The following SLC4A10 variants were observed in gnomAD, a reference collection of about 807,000 sequenced individuals.
SLC4A10 encodes sodium-driven chloride bicarbonate exchanger.
SLC4A10 carries 42 observed loss-of-function variants against 137.7 expected under a neutral mutation model. The ratio of observed to expected loss-of-function variants is 0.30; its 90% CI spans 0.24 to 0.39. SLC4A10 has a LOEUF of 0.39. SLC4A10 is among the 10% of genes least tolerant of loss of function. The pLI is 1.00. For missense variants in SLC4A10, 925 were observed against 1,355.0 expected, an observed-to-expected ratio of 0.68 and a Z score of 4.98; for synonymous variants, 474 against 464.1, an observed-to-expected ratio of 1.02 and a Z score of -0.27.
intron 1 of SLC4A10, among the ~76,000 whole-genome samples, chr2:161,756,336 C>T (rs186947106): frequency 6.6e-6 from 1 of 152,150 alleles, no homozygotes; most frequent in East Asian, 1.9e-4. Flanking sequence ...ATGATATTAA[C>T]CTGATGAAAT....
At chr2:161,715,490 C>G (rs908720860) in intron 1 of SLC4A10, among the ~76,000 whole-genome samples, 4 of 152,058 alleles carry the variant, frequency 2.6e-5, no homozygotes, top group African/African-American at 7.2e-5. Flanking sequence ...TCCTTATGCT[C>G]TCCCTCTTCT....
At chr2:161,658,010 A>G (rs1252278371) in intron 1 of SLC4A10, among the ~76,000 whole-genome samples, 4 of 152,262 alleles carry the variant, frequency 2.6e-5, no homozygotes, top group East Asian at 3.9e-4. Flanking sequence ...ATAGCAGGGC[A>G]TTTTTCTTTT....
intron 1 of SLC4A10, among the ~76,000 whole-genome samples, chr2:161,766,688 A>G (rs1158758774): frequency 6.6e-6 from 1 of 151,916 alleles, no homozygotes; most frequent in Non-Finnish European, 1.5e-5. Flanking sequence ...ATAGGCTTCA[A>G]CTTGTATTTC....
intron 3 of SLC4A10, among the ~76,000 whole-genome samples, chr2:161,807,360 C>T (rs981802303): frequency 6.6e-6 from 1 of 152,106 alleles, no homozygotes; most frequent in African/African-American, 2.4e-5. Flanking sequence ...CCATGAGAGC[C>T]CATGTACATG....
intron 1 of SLC4A10, among the ~76,000 whole-genome samples, chr2:161,687,685 C>A (rs191992571): frequency 5.9e-4 from 90 of 152,262 alleles, no homozygotes; most frequent in African/African-American, 1.8e-3. Context: ...ATAATCCCAA[C>A]GTGTCAAGGT....
intron 26 of SLC4A10, among the ~76,000 whole-genome samples, chr2:161,980,444 C>T (rs2909456): frequency 0.73 from 110,518 of 152,064 alleles, 41,767 homozygotes; most frequent in East Asian, 0.99. Context: ...AGCTCGGGAG[C>T]TCAAGATCGG....
chr2:161,795,458 T>C (rs2054662400), intron 2 of SLC4A10, among the ~76,000 whole-genome samples: 3 of 152,104 alleles, frequency 2.0e-5, no homozygotes, highest in African/African-American at 7.2e-5. Context: ...GTTTGGAATA[T>C]ACACCCATGA....
chr2:161,631,255 C>T (rs2033496340), intron 1 of SLC4A10, among the ~76,000 whole-genome samples: 1 of 151,630 alleles, frequency 6.6e-6, no homozygotes, highest in Non-Finnish European at 1.5e-5. Context: ...ATACTAAAAA[C>T]CAATGAATTG....
chr2:161,923,701 C>A (rs1688546787), intron 15 of SLC4A10, among the ~76,000 whole-genome samples: 1 of 151,782 alleles, frequency 6.6e-6, no homozygotes, highest in African/African-American at 2.4e-5. Flanking sequence ...GGAAGGATAG[C>A]ATTAGGAGAT....
chr2:161,753,625 A>G (rs1437023915), intron 1 of SLC4A10, among the ~76,000 whole-genome samples: 2 of 152,132 alleles, frequency 1.3e-5, no homozygotes, highest in African/African-American at 4.8e-5. Context: ...AGCTATTAGT[A>G]GTAGTAGTGG....
rs966507763 is a variant in SLC4A10 at position 161,705,074 on chromosome 2, ATCTT to A, written c.49-65897_49-65894del. Among the ~76,000 whole-genome samples the A allele has an allele frequency of 3.5e-4, 53 of 151,804 alleles. 1 individual carries two copies. The highest frequency in any genetic ancestry group is 2.3e-3 in the Admixed American group (35 of 15,188). ...CTTTTGAATACAAATAAAAGGTAAA[ATCTT>A]TATGATAAAAGTAAACTTTAATATA... On this transcript the variant is annotated intron_variant, in intron 1 of 26. Coordinates refer to ENST00000446997, the MANE Select transcript of SLC4A10 (RefSeq NM_001178015.2).
At chr2:161,649,870 C>G (rs546940738) in intron 1 of SLC4A10, among the ~76,000 whole-genome samples, 1 of 151,914 alleles carries the variant, frequency 6.6e-6, no homozygotes, top group South Asian at 2.1e-4. Context: ...CTTTAAAAAC[C>G]TGATCTTTTT....
intron 1 of SLC4A10, chr2:161,708,787 G>T: frequency 6.5e-7 from 1 of 1,532,828 alleles, no homozygotes; most frequent in Non-Finnish European, 8.7e-7. Flanking sequence ...GAAAGGTCAT[G>T]CAGTCTGGAA....
At chr2:161,679,104 A>T (rs2040571243) in intron 1 of SLC4A10, among the ~76,000 whole-genome samples, 1 of 152,036 alleles carries the variant, frequency 6.6e-6, no homozygotes, top group Non-Finnish European at 1.5e-5. Context: ...TGCTCCACAT[A>T]CTTTCTAACC....
intron 19 of SLC4A10, among the ~76,000 whole-genome samples, chr2:161,955,719 C>G (rs1695540830): frequency 6.6e-6 from 1 of 152,158 alleles, no homozygotes; most frequent in Non-Finnish European, 1.5e-5. Flanking sequence ...AAATATGCAA[C>G]AAATACTCAG....
intron 15 of SLC4A10, among the ~76,000 whole-genome samples, chr2:161,913,718 T>C (rs1038597122): frequency 6.6e-6 from 1 of 152,060 alleles, no homozygotes; most frequent in South Asian, 2.1e-4. Flanking sequence ...CCCTTTTTTG[T>C]CTTCAATGTA....
At position 161,964,189 on chromosome 2, in the gene SLC4A10, A is replaced by G. The variant is rs763081846; in HGVS notation, c.2917A>G (p.Ile973Val). ...WMPAKHQPDF[I>V]YLRHVPLRKV... ...GCCGGCAAAACATCAACCAGATTTT[A>G]TATACCTAAGGCACGTACCGCTTCG... Residue 973 changes from isoleucine to valine, a missense_variant, in exon 22 of 27, where the codon ATA becomes GTA. Physicochemically the swap from Ile to Val is conservative, Grantham distance 29 (BLOSUM62 3). Transcript: ENST00000446997. 1 of 1,613,068 alleles carries G rather than the reference A, an allele frequency of 6.2e-7. No homozygotes were observed. The highest frequency in any genetic ancestry group is 8.5e-7 in the Non-Finnish European group (1 of 1,179,406).
chr2:161,626,485 T>C (rs1015639668), intron 1 of SLC4A10, among the ~76,000 whole-genome samples: 5 of 151,998 alleles, frequency 3.3e-5, no homozygotes, highest in African/African-American at 1.2e-4. Flanking sequence ...CAGTACAAAA[T>C]AGTGACAGTT....
At chr2:161,766,832 T>C (rs909753454) in intron 1 of SLC4A10, among the ~76,000 whole-genome samples, 5 of 151,660 alleles carry the variant, frequency 3.3e-5, no homozygotes, top group African/African-American at 1.2e-4. Context: ...TTTTCATTTT[T>C]AAAAATTTTT....
Sources: allele counts gnomAD v4.1 joint callset (sites outside exome capture counted in the v4.1 genomes callset), GRCh38; gene constraint gnomAD v4.1.1; transcripts MANE v1.5; gene names NCBI Gene and HGNC (gene_info 2026-07-23, HGNC 2026-07-21).